Variants in FRMD6 observed in about 807,000 individuals in gnomAD.
The protein encoded by FRMD6 is FERM domain-containing protein 6.
A neutral mutation model predicts 73.2 loss-of-function variants in FRMD6; 37 were observed. That is an observed-to-expected ratio of 0.51 (90% CI 0.39 to 0.66). The LOEUF (loss-of-function observed/expected upper bound fraction) is 0.66. FRMD6 is among the 30% of genes least tolerant of loss of function. FRMD6 has a pLI of 0.00. For missense variants in FRMD6, 714 were observed against 780.5 expected, an observed-to-expected ratio of 0.91 and a Z score of 1.02; for synonymous variants, 273 against 282.2, an observed-to-expected ratio of 0.97 and a Z score of 0.33.
At chr14:51,488,281 C>T (rs375763382), upstream of FRMD6, among the ~76,000 whole-genome samples, 18 of 152,344 alleles carry the variant, frequency 1.2e-4, no homozygotes, top group East Asian at 3.3e-3. Flanking sequence ...GTGTCAACAA[C>T]ATCCACGACA....
At position 51,533,247 on chromosome 14, in the gene FRMD6, G is replaced by A. The variant is rs540551888; in HGVS notation, c.-209-37101G>A. On this transcript the variant is annotated intron_variant, in intron 1 of 14. Transcript: ENST00000356218. Reference sequence around the variant, plus strand: ...CGAGGAGTCTGGGTTTTTTTCTGGGGTGGGGCAGGCTGATGGTAGGGAACT... The same window carrying A: ...CGAGGAGTCTGGGTTTTTTTCTGGGATGGGGCAGGCTGATGGTAGGGAACT... Among the ~76,000 whole-genome samples, 21 of 152,302 alleles carry A rather than the reference G, an allele frequency of 1.4e-4. No individual in the cohort carries two copies. The East Asian group carries it at 4.1e-3, about 29-fold the overall frequency.
At chr14:51,696,343 A>G (rs1895941126) in intron 2 of FRMD6, among the ~76,000 whole-genome samples, 1 of 151,346 alleles carries the variant, frequency 6.6e-6, no homozygotes, top group South Asian at 2.1e-4. Context: ...CCATAATACT[A>G]CTTTAAACAT....
chr14:51,608,048 T>C (rs1426742873), intron 2 of FRMD6, among the ~76,000 whole-genome samples: 1 of 113,886 alleles, frequency 8.8e-6, no homozygotes, highest in East Asian at 2.0e-4. Flanking sequence ...AAGAAAACCA[T>C]TATTCCCAAA....
chr14:51,722,127 G>A (rs753118936), intron 12 of FRMD6, 47 bp downstream of exon 12: 77 of 1,606,654 alleles, frequency 4.8e-5, no homozygotes, highest in Non-Finnish European at 5.9e-5. Context: ...AGGTTATCCA[G>A]GACTGAAAAA....
At chr14:51,688,686 A>G (rs1401526554) in intron 1 of FRMD6, among the ~76,000 whole-genome samples, 1 of 152,226 alleles carries the variant, frequency 6.6e-6, no homozygotes, top group Non-Finnish European at 1.5e-5. Context: ...TTGACAGACG[A>G]CTAGTCTTGA....
chr14:51,595,324 T>C (rs1299286325), intron 2 of FRMD6, among the ~76,000 whole-genome samples: 1 of 152,220 alleles, frequency 6.6e-6, no homozygotes, highest in Non-Finnish European at 1.5e-5. Context: ...TGATGTATTT[T>C]GTTATTAGAT....
chr14:51,506,437 G>A (rs1013225896), intron 1 of FRMD6, among the ~76,000 whole-genome samples: 4 of 152,224 alleles, frequency 2.6e-5, no homozygotes, highest in Non-Finnish European at 4.4e-5. Flanking sequence ...GATTACAGAA[G>A]GTGCCAGAGG....
chr14:51,469,420 T>C, the FRMD6 span, among the ~76,000 whole-genome samples: 114 of 150,686 alleles, frequency 7.6e-4, 2 homozygotes, highest in East Asian at 0.021. Flanking sequence ...GAGACAATCC[T>C]GGCTAACACG....
chr14:51,510,520 T>C (rs1884237768), intron 1 of FRMD6, among the ~76,000 whole-genome samples: 1 of 152,234 alleles, frequency 6.6e-6, no homozygotes, highest in East Asian at 1.9e-4. Context: ...ACTACAGATT[T>C]TTGTTCTAAC....
At chr14:51,475,242 T>C in the FRMD6 span, among the ~76,000 whole-genome samples, 3 of 152,320 alleles carry the variant, frequency 2.0e-5, no homozygotes, top group Admixed American at 6.5e-5. Flanking sequence ...TGGGTACAAA[T>C]TGATTTACAT....
intron 2 of FRMD6, among the ~76,000 whole-genome samples, chr14:51,589,900 C>A (rs149948101): frequency 2.4e-3 from 363 of 152,100 alleles, no homozygotes; most frequent in African/African-American, 8.1e-3. Context: ...GAAACCCCGT[C>A]CTACTAAAAA....
chr14:51,459,050 C>G, the FRMD6 span, among the ~76,000 whole-genome samples: 2 of 152,134 alleles, frequency 1.3e-5, no homozygotes, highest in Non-Finnish European at 2.9e-5. Flanking sequence ...GAGATGCACA[C>G]GGCAGCGTAG....
the FRMD6 span, among the ~76,000 whole-genome samples, chr14:51,472,744 G>C: frequency 1.3e-5 from 2 of 152,182 alleles, no homozygotes; most frequent in African/African-American, 4.8e-5. Flanking sequence ...AAAATTCTGA[G>C]CAGCCCTGTT....
chr14:51,627,130 T>A (rs1317162982), intron 2 of FRMD6, among the ~76,000 whole-genome samples: 1 of 152,214 alleles, frequency 6.6e-6, no homozygotes, highest in East Asian at 1.9e-4. Flanking sequence ...TATATTTATC[T>A]GCATGAGATA....
intron 6 of FRMD6, among the ~76,000 whole-genome samples, chr14:51,706,463 A>T (rs1342996765): frequency 6.6e-6 from 1 of 152,014 alleles, no homozygotes; most frequent in Non-Finnish European, 1.5e-5. Context: ...AACTCTCCAG[A>T]TTATAGTCCC....
intron 1 of FRMD6, among the ~76,000 whole-genome samples, chr14:51,507,984 C>T (rs926503654): frequency 1.3e-5 from 2 of 152,160 alleles, no homozygotes; most frequent in Non-Finnish European, 2.9e-5. Context: ...TGATCCCTTA[C>T]CTGATTGTGG....
At chr14:51,436,735 G>T in the FRMD6 span, 12 of 538,088 alleles carry the variant, frequency 2.2e-5, no homozygotes, top group Non-Finnish European at 3.1e-5. Flanking sequence ...AGTACTACTT[G>T]GTTTCCGATA....
intron 2 of FRMD6, among the ~76,000 whole-genome samples, chr14:51,640,269 A>C (rs1249478881): frequency 6.6e-6 from 1 of 152,222 alleles, no homozygotes; most frequent in East Asian, 1.9e-4. Context: ...GTAAGGATAG[A>C]GTTACAATAC....
chr14:51,494,346 T>C (rs2140180621), intron 1 of FRMD6, among the ~76,000 whole-genome samples: 1 of 152,372 alleles, frequency 6.6e-6, no homozygotes, highest in East Asian at 1.9e-4. Flanking sequence ...TATATGCTTC[T>C]ATGATACAGT....
Sources: allele counts gnomAD v4.1 joint callset (sites outside exome capture counted in the v4.1 genomes callset), GRCh38; gene constraint gnomAD v4.1.1; transcripts MANE v1.5; gene names NCBI Gene and HGNC (gene_info 2026-07-23, HGNC 2026-07-21).